DGKB: variants seen among roughly 807,000 people sequenced by gnomAD.
The protein encoded by DGKB is 90 kDa diacylglycerol kinase.
Under a neutral mutation model 114.3 loss-of-function variants are expected in DGKB, and 67 were observed. The ratio of observed to expected loss-of-function variants is 0.59; its 90% CI spans 0.48 to 0.72. The LOEUF (loss-of-function observed/expected upper bound fraction) is 0.72. Among genes scored for constraint, DGKB ranks in the 30% least tolerant of loss-of-function variants. The probability of loss-of-function intolerance (pLI) is 0.00; values close to 1 mark genes in which losing one functional copy is unlikely to be tolerated. For missense variants in DGKB, 907 were observed against 975.2 expected (o/e 0.93, Z 0.93); for synonymous variants, 398 against 323.1 (o/e 1.23, Z -2.49).
At chr7:14,179,742 T>C (rs893120338) in intron 23 of DGKB, among the ~76,000 whole-genome samples, 1 of 152,202 alleles carries the variant, frequency 6.6e-6, no homozygotes, top group Non-Finnish European at 1.5e-5. Context: ...CACCAAACTT[T>C]TAAGTGAATA....
intron 21 of DGKB, among the ~76,000 whole-genome samples, chr7:14,458,785 C>G (rs1005422338): frequency 2.6e-5 from 4 of 152,190 alleles, no homozygotes; most frequent in African/African-American, 7.2e-5. Context: ...TTTGTTTGGG[C>G]AGACAACGAG....
intron 5 of DGKB, among the ~76,000 whole-genome samples, chr7:14,719,755 T>A (rs1292273367): frequency 6.6e-6 from 1 of 152,208 alleles, no homozygotes; most frequent in Non-Finnish European, 1.5e-5. Context: ...TATAATTCAA[T>A]GTGTTGTGAT....
chr7:14,676,733 A>G (rs1819924377), intron 12 of DGKB, among the ~76,000 whole-genome samples: 2 of 152,020 alleles, frequency 1.3e-5, no homozygotes, highest in Non-Finnish European at 2.9e-5. Flanking sequence ...AAGATAACCT[A>G]TATCCCAAAT....
chr7:14,231,111 CT>C (rs1387260519), intron 23 of DGKB, among the ~76,000 whole-genome samples: 8 of 126,518 alleles, frequency 6.3e-5, no homozygotes, highest in Non-Finnish European at 1.4e-4. Flanking sequence ...TTCTTTCTTT[CT>C]TTCTTTCTTT....
At chr7:14,225,094 C>A (rs908697532) in intron 23 of DGKB, among the ~76,000 whole-genome samples, 3 of 152,016 alleles carry the variant, frequency 2.0e-5, no homozygotes, top group African/African-American at 7.2e-5. Context: ...AATTGCCTTT[C>A]ATCATTACCT....
intron 2 of DGKB, among the ~76,000 whole-genome samples, chr7:14,814,415 C>A (rs1392244481): frequency 6.6e-6 from 1 of 152,130 alleles, no homozygotes; most frequent in South Asian, 2.1e-4. Context: ...TACATTACCT[C>A]TCCCTTCTTG....
At chr7:14,274,798 G>A (rs1241608267) in intron 23 of DGKB, among the ~76,000 whole-genome samples, 1 of 151,792 alleles carries the variant, frequency 6.6e-6, no homozygotes. Context: ...TCTTATAAAG[G>A]CACTAATCCC....
chr7:14,482,867 AG>A (rs1217126514), intron 20 of DGKB, among the ~76,000 whole-genome samples: 1 of 151,934 alleles, frequency 6.6e-6, no homozygotes, highest in Non-Finnish European at 1.5e-5. Context: ...ATTATTTCCC[AG>A]GCAGACTGTA....
intron 1 of DGKB, among the ~76,000 whole-genome samples, chr7:14,933,896 A>T (rs557708604): frequency 1.3e-5 from 2 of 152,294 alleles, no homozygotes; most frequent in South Asian, 2.1e-4. Flanking sequence ...TTTTAAATCA[A>T]TTATAGCACA....
intron 20 of DGKB, among the ~76,000 whole-genome samples, chr7:14,532,279 A>T (rs2128596044): frequency 6.6e-6 from 1 of 151,548 alleles, no homozygotes; most frequent in Non-Finnish European, 1.5e-5. Flanking sequence ...TAGATGGAAA[A>T]CCAACCATAT....
intron 21 of DGKB, among the ~76,000 whole-genome samples, chr7:14,361,520 C>T (rs1231364090): frequency 6.6e-6 from 1 of 151,888 alleles, no homozygotes; most frequent in Non-Finnish European, 1.5e-5. Context: ...TGTTGCCAGT[C>T]ATGATGCTAT....
At chr7:14,565,703 A>G (rs1195881131) in intron 20 of DGKB, among the ~76,000 whole-genome samples, 1 of 152,058 alleles carries the variant, frequency 6.6e-6, no homozygotes, top group Non-Finnish European at 1.5e-5. Context: ...TATTTTCAAA[A>G]TATTTCTTAA....
chr7:14,744,709 T>A (rs2128418995), intron 4 of DGKB, among the ~76,000 whole-genome samples: 1 of 152,368 alleles, frequency 6.6e-6, no homozygotes, highest in East Asian at 1.9e-4. Flanking sequence ...GACTGAAGTC[T>A]ATTTTGCAAA....
chr7:14,164,397 A>G (rs1784345484), intron 25 of DGKB, among the ~76,000 whole-genome samples: 1 of 152,240 alleles, frequency 6.6e-6, no homozygotes, highest in Non-Finnish European at 1.5e-5. Flanking sequence ...CAAGGCTACT[A>G]TCCAGATAAT....
At chr7:14,206,671 G>C (rs1222182151) in intron 23 of DGKB, among the ~76,000 whole-genome samples, 1 of 152,012 alleles carries the variant, frequency 6.6e-6, no homozygotes, top group Non-Finnish European at 1.5e-5. Context: ...TGAACCTGCT[G>C]AAATGTAGTT....
At chr7:14,286,442 G>A (rs144331186) in intron 23 of DGKB, among the ~76,000 whole-genome samples, 2 of 152,238 alleles carry the variant, frequency 1.3e-5, no homozygotes, top group East Asian at 3.9e-4. Context: ...TGCTCTAAAG[G>A]ATGTAAGATA....
At chr7:14,967,804 G>A (rs939192347) in intron 1 of DGKB, among the ~76,000 whole-genome samples, 1 of 151,720 alleles carries the variant, frequency 6.6e-6, no homozygotes, top group East Asian at 1.9e-4. Flanking sequence ...AATGCTAAAA[G>A]TAAGTAACTT....
chr7:14,544,972 G>T (rs6461106), intron 20 of DGKB, among the ~76,000 whole-genome samples: 6 of 150,888 alleles, frequency 4.0e-5, no homozygotes, highest in African/African-American at 1.5e-4. Flanking sequence ...GCTTCTTCAC[G>T]TTGATGCCAA....
At chr7:14,288,244 T>G (rs1204153738) in intron 23 of DGKB, among the ~76,000 whole-genome samples, 30 of 142,630 alleles carry the variant, frequency 2.1e-4, no homozygotes, top group Non-Finnish European at 1.4e-4. Context: ...ATTTTTTTTT[T>G]TTGTTAAAAG....
Sources: allele counts gnomAD v4.1 joint callset (sites outside exome capture counted in the v4.1 genomes callset), GRCh38; gene constraint gnomAD v4.1.1; transcripts MANE v1.5; gene names NCBI Gene and HGNC (gene_info 2026-07-23, HGNC 2026-07-21).